The following KCNN3 variants were observed in gnomAD, a reference collection of about 807,000 sequenced individuals.
KCNN3 encodes small conductance calcium-activated potassium channel protein 3.
A neutral mutation model predicts 62.9 loss-of-function variants in KCNN3; 16 were observed. The observed-to-expected ratio is 0.25, with a 90% CI of 0.17 to 0.39. The LOEUF is 0.39. Among genes scored for constraint, KCNN3 ranks in the 10% least tolerant of loss-of-function variants. The pLI is 1.00. For synonymous variants in KCNN3, 370 were observed against 389.2 expected, an observed-to-expected ratio of 0.95 and a Z score of 0.58; for missense variants, 599 against 949.4, an observed-to-expected ratio of 0.63 and a Z score of 4.85.
At position 154,706,198 on chromosome 1, in the gene KCNN3, C is replaced by T. The variant is rs115751927; in HGVS notation, c.*1778G>A. ...AGACTAGATCTTCCTGAAAAAGTGG[C>T]CTTGGCTCTACAATTGTCTACCTTG... On this transcript the variant is annotated 3_prime_UTR_variant, in exon 8 of 8. Coordinates refer to ENST00000271915, the MANE Select transcript of KCNN3 (RefSeq NM_002249.6). 6.6e-6 allele frequency: 1 copy of T among 152,180 alleles called. No individual in the cohort carries two copies. The highest frequency in any genetic ancestry group is 1.5e-5 in the Non-Finnish European group (1 of 68,048). 9.4% of individuals were successfully genotyped at this position (152,180 alleles called of 1,614,324 possible).
At chr1:154,709,702 C>T (rs766436774) in intron 7 of KCNN3, among the ~76,000 whole-genome samples, 11 of 152,184 alleles carry the variant, frequency 7.2e-5, no homozygotes, top group Non-Finnish European at 1.5e-4. Flanking sequence ...AGCAGGACAC[C>T]GTGTCGTGGA....
intron 3 of KCNN3, among the ~76,000 whole-genome samples, chr1:154,760,958 G>T (rs1032348188): frequency 1.3e-5 from 2 of 152,228 alleles, no homozygotes; most frequent in African/African-American, 4.8e-5. Flanking sequence ...AACTTGCATT[G>T]CGCTTGTTAG....
At chr1:154,732,894 A>G in intron 4 of KCNN3, 109 bp downstream of exon 4, 1 of 1,253,808 alleles carries the variant, frequency 8.0e-7, no homozygotes, top group Non-Finnish European at 1.2e-6. Context: ...CGGTTAACTA[A>G]CAGCCACCCC....
intron 3 of KCNN3, among the ~76,000 whole-genome samples, chr1:154,769,595 T>C (rs960978765): frequency 1.3e-5 from 2 of 152,222 alleles, no homozygotes; most frequent in African/African-American, 4.8e-5. Context: ...TAGTCACCCC[T>C]TCTTGTGATA....
intron 2 of KCNN3, among the ~76,000 whole-genome samples, chr1:154,780,356 G>A (rs1028150104): frequency 6.6e-5 from 10 of 150,594 alleles, no homozygotes; most frequent in African/African-American, 2.4e-4. Context: ...GGAGGAGAGC[G>A]TATTCCTGCT....
intron 3 of KCNN3, among the ~76,000 whole-genome samples, chr1:154,749,087 T>TTC (rs1233225018): frequency 1.3e-5 from 2 of 152,056 alleles, no homozygotes; most frequent in South Asian, 2.1e-4. Flanking sequence ...CTGGTGGGGA[T>TTC]TCTCTCTCTC....
chr1:154,836,144 C>T (rs1651573023), intron 1 of KCNN3, among the ~76,000 whole-genome samples: 3 of 152,142 alleles, frequency 2.0e-5, no homozygotes, highest in African/African-American at 4.8e-5. Flanking sequence ...AGAATGTGTC[C>T]GTGCCAGAAA....
In KCNN3 at chr1:154,808,396, C is replaced by A. The variant is rs535401808; in HGVS notation, c.1029+13693G>T. Among the ~76,000 whole-genome samples the A allele has an allele frequency of 1.4e-3, 212 of 152,252 alleles. 1 individual carries two copies. The highest frequency in any genetic ancestry group is 1.8e-3 in the Non-Finnish European group (125 of 68,008). ...TAGAGGACCCTCGACCCACCTGCACCTGCTAGAACTGACCCCATGACCATC... is the reference window on the plus strand; with the variant it reads ...TAGAGGACCCTCGACCCACCTGCACATGCTAGAACTGACCCCATGACCATC... On this transcript the variant is annotated intron_variant, in intron 2 of 7. Transcript: ENST00000271915.
chr1:154,825,458 C>T (rs1162398011), intron 1 of KCNN3, among the ~76,000 whole-genome samples: 1 of 150,394 alleles, frequency 6.6e-6, no homozygotes, highest in Non-Finnish European at 1.5e-5. Context: ...CTCTGCCTGC[C>T]GGGTTCATGC....
chr1:154,847,211 C>G (rs899871124), intron 1 of KCNN3, among the ~76,000 whole-genome samples: 6 of 151,900 alleles, frequency 3.9e-5, no homozygotes, highest in South Asian at 2.1e-4. Flanking sequence ...ACTACCCCCC[C>G]CTGCCCTCGG....
At chr1:154,753,521 C>T (rs942938495) in intron 3 of KCNN3, among the ~76,000 whole-genome samples, 5 of 152,224 alleles carry the variant, frequency 3.3e-5, no homozygotes, top group Non-Finnish European at 7.3e-5. Context: ...CTCTGTAACA[C>T]ACCTCCCCAG....
intron 2 of KCNN3, among the ~76,000 whole-genome samples, chr1:154,803,272 G>A (rs779435732): frequency 6.6e-6 from 1 of 152,196 alleles, no homozygotes; most frequent in South Asian, 2.1e-4. Flanking sequence ...GGGTTAGCAA[G>A]GCTTTCACGC....
intron 2 of KCNN3, among the ~76,000 whole-genome samples, chr1:154,814,025 C>T (rs965753151): frequency 2.0e-5 from 3 of 152,216 alleles, no homozygotes; most frequent in Non-Finnish European, 4.4e-5. Flanking sequence ...GGCCAGCGGC[C>T]GATCCAAGTG....
intron 7 of KCNN3, among the ~76,000 whole-genome samples, chr1:154,712,716 G>A (rs1034689894): frequency 2.0e-4 from 30 of 152,130 alleles, no homozygotes; most frequent in African/African-American, 6.8e-4. Flanking sequence ...AGGGGGCTGA[G>A]GAGGGGGAGG....
At chr1:154,783,756 G>A (rs1414300302) in intron 2 of KCNN3, among the ~76,000 whole-genome samples, 2 of 152,160 alleles carry the variant, frequency 1.3e-5, no homozygotes, top group Non-Finnish European at 2.9e-5. Flanking sequence ...GGGGGAGGCC[G>A]GAGCCCACTG....
At chr1:154,773,795 C>A (rs989982074) in intron 2 of KCNN3, among the ~76,000 whole-genome samples, 2 of 152,236 alleles carry the variant, frequency 1.3e-5, no homozygotes, top group African/African-American at 4.8e-5. Context: ...GAGCCCCTGC[C>A]AGACCTGAGC....
At chr1:154,858,525 G>T (rs376878148) in intron 1 of KCNN3, among the ~76,000 whole-genome samples, 4 of 152,236 alleles carry the variant, frequency 2.6e-5, no homozygotes, top group African/African-American at 7.2e-5. Flanking sequence ...CATCTGGCTG[G>T]GGAGAGACCC....
At chr1:154,742,464 T>C (rs1176236443) in intron 3 of KCNN3, among the ~76,000 whole-genome samples, 2 of 152,216 alleles carry the variant, frequency 1.3e-5, no homozygotes, top group African/African-American at 2.4e-5. Flanking sequence ...GGATAATACT[T>C]GTACCACCTC....
At chr1:154,738,604 T>A (rs10752606) in intron 3 of KCNN3, among the ~76,000 whole-genome samples, 116,291 of 152,054 alleles carry the variant, frequency 0.76, 45,230 homozygotes, top group East Asian at 0.96. Context: ...GGACAGGTGC[T>A]CACCAGGTGC....
Sources: allele counts gnomAD v4.1 joint callset (sites outside exome capture counted in the v4.1 genomes callset), GRCh38; gene constraint gnomAD v4.1.1; transcripts MANE v1.5; gene names NCBI Gene and HGNC (gene_info 2026-07-23, HGNC 2026-07-21).